The following KCNQ2 variants were observed in gnomAD, a reference collection of about 807,000 sequenced individuals.
KCNQ2 encodes potassium voltage-gated channel subfamily KQT member 2.
In KCNQ2, 14 loss-of-function variants were observed where a neutral mutation model predicts 84.8. The ratio of observed to expected loss-of-function variants is 0.17; its 90% CI spans 0.11 to 0.26. The LOEUF (loss-of-function observed/expected upper bound fraction) is 0.26. Ranked by LOEUF, KCNQ2 falls within the 10% of genes least tolerant of loss-of-function variation. The probability of loss-of-function intolerance (pLI) is 1.00; values close to 1 mark genes in which losing one functional copy is unlikely to be tolerated. For synonymous variants in KCNQ2, 599 were observed against 554.1 expected, an observed-to-expected ratio of 1.08 and a Z score of -1.14; for missense variants, 788 against 1,254.0, an observed-to-expected ratio of 0.63 and a Z score of 5.61.
chr20:63,445,221 C>T lies in KCNQ2; in HGVS notation c.514+17G>A. The T allele has an allele frequency of 1.2e-6, 2 of 1,613,868 alleles. No homozygotes were observed. Among genetic ancestry groups the T allele is most frequent in the South Asian group, 2.2e-5 (2 of 91,086 alleles). ...CCTGGCCCTGATTCTAGCAATACCA[C>T]CCCCACCAGGCCTCACCAATCACAC... On this transcript the variant is annotated intron_variant, in intron 3 of 16. Transcript: ENST00000359125.
intron 3 of KCNQ2, 58 bp from the exon 4 acceptor site, chr20:63,444,892 G>C: frequency 6.6e-7 from 1 of 1,506,580 alleles, no homozygotes. Flanking sequence ...CCCCCTTGGA[G>C]AAAACTCCCC....
intron 4 of KCNQ2, among the ~76,000 whole-genome samples, chr20:63,442,938 CCACCAT>C (rs1568935270): frequency 1.0e-3 from 22 of 21,212 alleles, no homozygotes; most frequent in Non-Finnish European, 1.5e-3. Context: ...ACCATCACCA[CCACCAT>C]CACCATCATC....
At chr20:63,449,909 A>G (rs62208037) in intron 1 of KCNQ2, among the ~76,000 whole-genome samples, 9,749 of 151,868 alleles carry the variant, frequency 0.064, 407 homozygotes, top group Middle Eastern at 0.13. Flanking sequence ...CAGCAATTGG[A>G]GCACGTAATT....
intron 4 of KCNQ2, among the ~76,000 whole-genome samples, chr20:63,444,158 C>T (rs1468967310): frequency 6.6e-6 from 1 of 152,262 alleles, no homozygotes; most frequent in Non-Finnish European, 1.5e-5. Flanking sequence ...GGAGGGACAG[C>T]ACAGTCTGGC....
chr20:63,443,358 CCAT>C (rs776037793), intron 4 of KCNQ2, among the ~76,000 whole-genome samples: 8,139 of 59,414 alleles, frequency 0.14, 559 homozygotes, highest in Non-Finnish European at 0.19. Context: ...ACCACCACCA[CCAT>C]CACCATCATC....
chr20:63,461,391 C>G (rs1030232173), intron 1 of KCNQ2, among the ~76,000 whole-genome samples: 2 of 152,172 alleles, frequency 1.3e-5, no homozygotes, highest in Admixed American at 6.5e-5. Context: ...GCAGCCACCC[C>G]CCACCGATCA....
At chr20:63,439,465 G>A in intron 6 of KCNQ2, 133 bp downstream of exon 6, 2 of 724,234 alleles carry the variant, frequency 2.8e-6, no homozygotes, top group Non-Finnish European at 5.0e-6. Context: ...CAGCTCCTGG[G>A]GGCTGTGGAC....
chr20:63,414,984 TG>T lies in KCNQ2; in HGVS notation c.1443del (p.Lys482ArgfsTer47). 6.2e-7 allele frequency: 1 copy of T among 1,611,890 alleles called. No homozygotes were observed. The highest frequency in any genetic ancestry group is 8.5e-7 in the Non-Finnish European group (1 of 1,179,934). ...QSLEDSPSKV[P>X]KSWSFGDRSR... ...CTGCGGTCCCCGAAGCTCCAGCTCT[TG>T]GGCACCTTGCTGGGGCTGTCCTCGA... On this transcript the variant is annotated frameshift_variant, in exon 13 of 17. Transcript: ENST00000359125. LOFTEE classifies it high-confidence loss of function. This position sits in a 1 kb window ranked among gnomAD's most constrained non-coding sequence, Gnocchi z 6.6.
chr20:63,400,375 A>G lies in KCNQ2; in HGVS notation c.*6269T>C. 2.7e-6 allele frequency: 1 copy of G among 374,962 alleles called. No homozygotes were observed. Among genetic ancestry groups the G allele is most frequent in the Non-Finnish European group, 4.7e-6 (1 of 211,732 alleles). 23.2% of individuals were successfully genotyped at this position (374,962 alleles called of 1,614,324 possible). A position where few individuals can be genotyped will look rare whatever the true frequency, so the allele number is the denominator to read the frequency against. ...ACTGGCGCATTCTTACGGCTCTGGC[A>G]TCAACCTGTCCGTGTGAGTAAGTTA... On this transcript the variant is annotated 3_prime_UTR_variant, in exon 17 of 17. Transcript: ENST00000359125. This position sits in a 1 kb window ranked among gnomAD's most constrained non-coding sequence, Gnocchi z 8.7.
chr20:63,433,354 C>A, intron 8 of KCNQ2: 1 of 245,398 alleles, frequency 4.1e-6, no homozygotes, highest in South Asian at 6.4e-5. Context: ...CACTGTGATC[C>A]GGGGTTACTT....
chr20:63,436,689 T>C (rs1453547822), intron 7 of KCNQ2, among the ~76,000 whole-genome samples: 1 of 152,152 alleles, frequency 6.6e-6, no homozygotes, highest in Non-Finnish European at 1.5e-5. Flanking sequence ...TAAGTATTTG[T>C]AAGTGAAAGT....
chr20:63,410,023 CAG>C (rs2080073615), intron 15 of KCNQ2: 1 of 281,630 alleles, frequency 3.6e-6, no homozygotes. Context: ...TTGCGAGAAA[CAG>C]AGAGGGTTTC....
intron 1 of KCNQ2, chr20:63,463,610 C>A: frequency 6.6e-6 from 1 of 152,364 alleles, no homozygotes. Context: ...ACCTCTCATC[C>A]CTGCCCGAGG....
chr20:63,447,090 T>A (rs1304289023), intron 1 of KCNQ2, among the ~76,000 whole-genome samples: 2 of 136,296 alleles, frequency 1.5e-5, no homozygotes, highest in East Asian at 4.4e-4. Context: ...AGCTGCCCCC[T>A]CCAGGACGCA....
chr20:63,401,030 G>A lies in KCNQ2; in HGVS notation c.*5614C>T. 1 of 396,454 alleles carries A rather than the reference G, an allele frequency of 2.5e-6. No individual in the cohort carries two copies. The allele number at this position is 396,454 out of a possible 1,614,324, so 24.6% of individuals were successfully genotyped here. A position where few individuals can be genotyped will look rare whatever the true frequency, so the allele number is the denominator to read the frequency against. ...CACGTGCCTGCCTGGTAGCCCCGGG[G>A]ACCGGCCCCTCCTTGCTGGCGCCTG... On this transcript the variant is annotated 3_prime_UTR_variant, in exon 17 of 17. Transcript: ENST00000359125.
chr20:63,435,114 C>G (rs111364825), intron 7 of KCNQ2, among the ~76,000 whole-genome samples: 2 of 152,154 alleles, frequency 1.3e-5, no homozygotes, highest in Non-Finnish European at 2.9e-5. Flanking sequence ...ACATGTCAGC[C>G]GCCCTGGCCT....
At position 63,433,918 on chromosome 20, in the gene KCNQ2, A is replaced by G; in HGVS notation, c.1024-15T>C. On this transcript the variant is annotated splice_polypyrimidine_tract_variant and intron_variant, in intron 7 of 16. Coordinates refer to ENST00000359125, the MANE Select transcript of KCNQ2 (RefSeq NM_172107.4). ...CTCCAGGCCGACTGCGGAGGGAAAGACAAGGCAGTTGGCGAGGGGCAGGCG... is the reference window on the plus strand; with the variant it reads ...CTCCAGGCCGACTGCGGAGGGAAAGGCAAGGCAGTTGGCGAGGGGCAGGCG... 6.2e-7 allele frequency: 1 copy of G among 1,612,204 alleles called. No homozygotes were observed.
chr20:63,423,978 G>C (rs1238783488), intron 11 of KCNQ2, 199 bp downstream of exon 11: 1 of 639,648 alleles, frequency 1.6e-6, no homozygotes, highest in Non-Finnish European at 2.9e-6. Context: ...CCGAATCACT[G>C]GGGAGGGGGT....
In KCNQ2 at chr20:63,465,381, T is replaced by G. The variant is rs374429983; in HGVS notation, c.296+6787A>C. On this transcript the variant is annotated intron_variant, in intron 1 of 16. Coordinates refer to ENST00000359125, the MANE Select transcript of KCNQ2 (RefSeq NM_172107.4). ...GGCTTCTCAGGGCCCACCCGCCTTG[T>G]GCTGGCCGCCTCCCTCACACCCCCT... is the stretch of plus-strand genomic sequence containing the variant. 2.5e-4 allele frequency among the ~76,000 whole-genome samples: 38 copies of G among 152,286 alleles called. No individual in the cohort carries two copies. The East Asian group carries it at 4.4e-3, about 18-fold the overall frequency.
Sources: gnomAD v4.1 joint callset for allele counts (sites outside exome capture counted in the v4.1 genomes callset) on GRCh38, gnomAD v4.1.1 for gene constraint, Gnocchi (gnomAD v3.1) non-coding constraint, MANE v1.5 for transcripts, NCBI Gene and HGNC (gene_info 2026-07-23, HGNC 2026-07-21) for gene names.